ZNF346: variants seen among roughly 807,000 people sequenced by gnomAD.
The protein encoded by ZNF346 is double-stranded RNA-binding zinc finger protein JAZ.
In ZNF346, 23 loss-of-function variants were observed where a neutral mutation model predicts 33.7. The ratio of observed to expected loss-of-function variants is 0.68; its 90% confidence interval spans 0.49 to 0.97. ZNF346 has a LOEUF of 0.97. Ranked by LOEUF, ZNF346 falls within the 50% of genes least tolerant of loss-of-function variation. The probability of loss-of-function intolerance (pLI) is 0.00; values close to 1 mark genes in which losing one functional copy is unlikely to be tolerated. For synonymous variants in ZNF346, 134 were observed against 142.4 expected, an observed-to-expected ratio of 0.94 and a Z score of 0.42; for missense variants, 340 against 371.1, an observed-to-expected ratio of 0.92 and a Z score of 0.69.
chr5:177,067,687 T>A lies in ZNF346; in HGVS notation c.*3088T>A, dbSNP rs752088438. ...GTTCACACACAGTCAAAGATCATGA[T>A]GACAATGATAAGAATGCCCAGGATG... On this transcript the variant is annotated 3_prime_UTR_variant, in exon 7 of 7. Coordinates refer to ENST00000358149, the MANE Select transcript of ZNF346 (RefSeq NM_012279.4). Among the ~76,000 whole-genome samples the A allele has an allele frequency of 2.6e-5, 4 of 152,180 alleles. No individual in the cohort carries two copies. Among genetic ancestry groups the A allele is most frequent in the Non-Finnish European group, 5.9e-5 (4 of 68,038 alleles).
intron 4 of ZNF346, among the ~76,000 whole-genome samples, chr5:177,047,194 G>A (rs933790043): frequency 7.3e-5 from 11 of 151,522 alleles, no homozygotes; most frequent in Non-Finnish European, 2.9e-5. Flanking sequence ...GACTACAGGC[G>A]CGTGCCACCG....
Position 177,067,064 on chromosome 5 carries a change from AAAAT to A in ZNF346, c.*2476_*2479del. Among the ~76,000 whole-genome samples, 1 of 152,216 alleles carries A rather than the reference AAAAT, an allele frequency of 6.6e-6. No homozygotes were observed. Among genetic ancestry groups the A allele is most frequent in the East Asian group, 1.9e-4 (1 of 5,176 alleles). ...GGTGACAGAGTGAGACTCCTGTCTCAAAATAAATAAATAATAAATTTTAAAAGAA... is the reference window on the plus strand; with the variant it reads ...GGTGACAGAGTGAGACTCCTGTCTCAAAATAAATAATAAATTTTAAAAGAA... On this transcript the variant is annotated 3_prime_UTR_variant, in exon 7 of 7. Coordinates refer to ENST00000358149, the MANE Select transcript of ZNF346 (RefSeq NM_012279.4).
At chr5:177,059,934 G>A (rs1782254537) in intron 5 of ZNF346, among the ~76,000 whole-genome samples, 1 of 152,214 alleles carries the variant, frequency 6.6e-6, no homozygotes, top group Non-Finnish European at 1.5e-5. Flanking sequence ...ATGCAAGACT[G>A]TGGGCACATA....
chr5:177,028,220 G>A (rs1043442264), intron 1 of ZNF346, among the ~76,000 whole-genome samples: 4 of 149,026 alleles, frequency 2.7e-5, no homozygotes, highest in Non-Finnish European at 4.5e-5. Flanking sequence ...TGTATTTTTA[G>A]TAGAGACGGG....
At chr5:177,044,641 G>A (rs1359788496) in intron 4 of ZNF346, 108 bp downstream of exon 4, 9 of 1,249,682 alleles carry the variant, frequency 7.2e-6, no homozygotes, top group African/African-American at 1.5e-5. Flanking sequence ...TGAAGAAGTT[G>A]AATTGCTTTT....
chr5:177,026,864 G>A (rs1776855946), intron 1 of ZNF346, among the ~76,000 whole-genome samples: 2 of 152,182 alleles, frequency 1.3e-5, no homozygotes, highest in Non-Finnish European at 2.9e-5. Flanking sequence ...TGTACATTAA[G>A]CTGTAGGATG....
At chr5:177,030,026 G>A (rs1016105592) in intron 1 of ZNF346, among the ~76,000 whole-genome samples, 3 of 152,080 alleles carry the variant, frequency 2.0e-5, no homozygotes, top group African/African-American at 4.8e-5. Context: ...TTTCTGGGAG[G>A]AGAAAACCCA....
Position 177,077,102 on chromosome 5 carries a change from G to A in ZNF346, c.*3-2280G>A, listed in dbSNP as rs1783787678. Among the ~76,000 whole-genome samples, 1 of 152,248 alleles carries A rather than the reference G, an allele frequency of 6.6e-6. No individual in the cohort carries two copies. The highest frequency in any genetic ancestry group is 2.1e-4 in the South Asian group (1 of 4,816). ...AATAATTTTTTCTTTAACACCAATAGTCAGCCAAATATTTGTTATGTAAAG... is the reference window on the plus strand; with the variant it reads ...AATAATTTTTTCTTTAACACCAATAATCAGCCAAATATTTGTTATGTAAAG... On this transcript the variant is annotated intron_variant, in intron 8 of 8. Transcript: ENST00000503039. The surrounding 1 kb of genome is among the most constrained non-coding windows in gnomAD (Gnocchi z 5.0).
At chr5:177,030,664 C>T (rs1243684660) in intron 1 of ZNF346, among the ~76,000 whole-genome samples, 1 of 151,918 alleles carries the variant, frequency 6.6e-6, no homozygotes, top group Non-Finnish European at 1.5e-5. Context: ...TAAAATTCAC[C>T]TGTTTAAAAT....
At chr5:177,049,595 C>G (rs1318649479) in intron 4 of ZNF346, among the ~76,000 whole-genome samples, 1 of 152,190 alleles carries the variant, frequency 6.6e-6, no homozygotes, top group Non-Finnish European at 1.5e-5. Flanking sequence ...GGGATGTTTT[C>G]TGAAGGCGTA....
chr5:177,023,317 C>A, intron 1 of ZNF346: 1 of 999,506 alleles, frequency 1.0e-6, no homozygotes, highest in Non-Finnish European at 1.5e-6. Context: ...CCTCTCGCCT[C>A]CCTTCTCTCA....
chr5:177,041,739 C>G (rs1226884814), intron 2 of ZNF346, 39 bp from the exon 3 acceptor site: 1 of 1,293,298 alleles, frequency 7.7e-7, no homozygotes, highest in Non-Finnish European at 1.1e-6. Flanking sequence ...TATGAAGTAG[C>G]ATTTGGCTAT....
At chr5:177,049,154 A>G (rs1253492831) in intron 4 of ZNF346, among the ~76,000 whole-genome samples, 1 of 152,162 alleles carries the variant, frequency 6.6e-6, no homozygotes, top group East Asian at 1.9e-4. Context: ...ATATTCTACA[A>G]CATGTACATT....
intron 4 of ZNF346, among the ~76,000 whole-genome samples, chr5:177,044,817 G>A (rs548116555): frequency 4.1e-4 from 63 of 152,206 alleles, no homozygotes; most frequent in African/African-American, 1.5e-3. Flanking sequence ...TCCAGGCCAC[G>A]CATACCATGA....
intron 1 of ZNF346, among the ~76,000 whole-genome samples, chr5:177,028,952 C>T (rs1220814009): frequency 6.6e-6 from 1 of 151,814 alleles, no homozygotes; most frequent in Non-Finnish European, 1.5e-5. Flanking sequence ...ATTTCCTGAC[C>T]TCGTAATCTG....
At chr5:177,046,178 G>A (rs1203267525) in intron 4 of ZNF346, among the ~76,000 whole-genome samples, 1 of 151,808 alleles carries the variant, frequency 6.6e-6, no homozygotes, top group African/African-American at 2.4e-5. Context: ...GCACGAGCCT[G>A]TAGTCCCAGC....
chr5:177,072,705 C>T (rs887321023), downstream of ZNF346, among the ~76,000 whole-genome samples: 6 of 152,120 alleles, frequency 3.9e-5, no homozygotes, highest in African/African-American at 1.4e-4. Flanking sequence ...AAAAATTAGT[C>T]AGGCGTGGTG....
In ZNF346 at chr5:177,054,379, TTTTATTTA is replaced by T. The variant is rs202024812; in HGVS notation, c.703+3455_703+3462del. On this transcript the variant is annotated intron_variant, in intron 5 of 6. Transcript: ENST00000358149. ...AGCCACCATGCCCAATCTGGCTATT[TTTTATTTA>T]TTTATTTATTTTTTTATTTTGTTTT... 7.1e-3 allele frequency among the ~76,000 whole-genome samples: 1,081 copies of T among 151,210 alleles called. 13 individuals carry two copies. The highest frequency in any genetic ancestry group is 0.024 in the African/African-American group (994 of 41,138).
chr5:177,027,115 T>A (rs1776899140), intron 1 of ZNF346, among the ~76,000 whole-genome samples: 1 of 151,758 alleles, frequency 6.6e-6, no homozygotes, highest in East Asian at 2.0e-4. Flanking sequence ...TGCAGTGGTG[T>A]GATCTCGGCT....
Sources: gnomAD v4.1 joint callset for allele counts (sites outside exome capture counted in the v4.1 genomes callset) on GRCh38, gnomAD v4.1.1 for gene constraint, Gnocchi (gnomAD v3.1) non-coding constraint, MANE v1.5 for transcripts, NCBI Gene and HGNC (gene_info 2026-07-23, HGNC 2026-07-21) for gene names.